ULK4: variants seen among roughly 807,000 people sequenced by gnomAD.
The protein encoded by ULK4 is unc-51 like kinase 4.
Under a neutral mutation model 160.6 loss-of-function variants are expected in ULK4, and 133 were observed. The observed-to-expected ratio is 0.83, with a 90% CI of 0.72 to 0.96. The LOEUF (loss-of-function observed/expected upper bound fraction) is 0.96. Ranked by LOEUF, ULK4 falls within the 40% of genes least tolerant of loss-of-function variation. The pLI is 0.00. For missense variants in ULK4, 1,580 were observed against 1,499.5 expected (o/e 1.05, Z -0.89); for synonymous variants, 534 against 539.8 (o/e 0.99, Z 0.15).
chr3:41,699,409 C>A (rs1267752241), intron 27 of ULK4, among the ~76,000 whole-genome samples: 2 of 152,180 alleles, frequency 1.3e-5, no homozygotes, highest in African/African-American at 4.8e-5. Flanking sequence ...AATATATTTT[C>A]ATCAAATTAT....
intron 32 of ULK4, among the ~76,000 whole-genome samples, chr3:41,543,031 C>A (rs551115137): frequency 6.6e-6 from 1 of 152,200 alleles, no homozygotes; most frequent in East Asian, 1.9e-4. Flanking sequence ...GCATAAAGAA[C>A]AGCCACAGAG....
intron 32 of ULK4, among the ~76,000 whole-genome samples, chr3:41,545,103 C>A (rs76407610): frequency 1.3e-5 from 2 of 152,008 alleles, no homozygotes; most frequent in South Asian, 4.1e-4. Flanking sequence ...TTTTATTGTG[C>A]GGCAGATTTG....
chr3:41,872,812 AATT>A (rs1467116973), intron 17 of ULK4, among the ~76,000 whole-genome samples: 1 of 152,284 alleles, frequency 6.6e-6, no homozygotes, highest in African/African-American at 2.4e-5. Context: ...GCAGTTGAAA[AATT>A]ATATGTAAGA....
chr3:41,282,133 T>C (rs920200125), intron 35 of ULK4, among the ~76,000 whole-genome samples: 2 of 152,064 alleles, frequency 1.3e-5, no homozygotes, highest in Admixed American at 6.5e-5. Flanking sequence ...TACAAACCAC[T>C]GCTCAATGAA....
chr3:41,530,787 C>T (rs1038165939), intron 32 of ULK4, among the ~76,000 whole-genome samples: 22 of 152,066 alleles, frequency 1.4e-4, no homozygotes, highest in African/African-American at 2.7e-4. Context: ...TTTTTGGAGA[C>T]GGAGTCTCGC....
intron 31 of ULK4, among the ~76,000 whole-genome samples, chr3:41,573,331 C>T (rs2088068526): frequency 7.2e-6 from 1 of 138,728 alleles, no homozygotes; most frequent in Admixed American, 6.9e-5. Flanking sequence ...AGGAAACACT[C>T]GTGAAAAATG....
chr3:41,448,676 T>C (rs2083359553), intron 34 of ULK4, among the ~76,000 whole-genome samples: 1 of 152,132 alleles, frequency 6.6e-6, no homozygotes, highest in Admixed American at 6.5e-5. Context: ...ACCTTCATGA[T>C]AGTGCTCATG....
At chr3:41,433,480 G>A (rs1402997466) in intron 34 of ULK4, among the ~76,000 whole-genome samples, 1 of 152,134 alleles carries the variant, frequency 6.6e-6, no homozygotes, top group South Asian at 2.1e-4. Context: ...CTAGAAATTT[G>A]TCCTATAATT....
intron 12 of ULK4, among the ~76,000 whole-genome samples, chr3:41,907,194 T>C (rs948892925): frequency 6.6e-6 from 1 of 152,168 alleles, no homozygotes; most frequent in Admixed American, 6.6e-5. Flanking sequence ...GGGCAGTGAC[T>C]GCTAATGGGT....
intron 35 of ULK4, chr3:41,258,375 T>C (rs2078875567): frequency 6.6e-6 from 1 of 152,196 alleles, no homozygotes. Context: ...GATGCTGAAT[T>C]CATGACTAAG....
At position 41,705,029 on chromosome 3, in the gene ULK4, G is replaced by C. The variant is rs568787277; in HGVS notation, c.2781+28C>G. ...GAATTACCAAGTAAATTTAAAAGGA[G>C]CTTTTTTCAAAAGCTGCCAGAACTG... On this transcript the variant is annotated intron_variant, in intron 27 of 36. Transcript: ENST00000301831. The C allele has an allele frequency of 3.2e-6, 5 of 1,561,606 alleles. No individual in the cohort carries two copies. In the African/African-American group the frequency reaches 5.5e-5, roughly 17 times the overall value.
At chr3:41,798,406 T>C (rs527494603) in intron 20 of ULK4, among the ~76,000 whole-genome samples, 147 of 152,276 alleles carry the variant, frequency 9.7e-4, no homozygotes, top group Admixed American at 3.0e-3. Context: ...TAGTTGTGGG[T>C]TTTTGTAATT....
At chr3:41,450,536 A>G (rs554836060) in intron 34 of ULK4, among the ~76,000 whole-genome samples, 1 of 152,220 alleles carries the variant, frequency 6.6e-6, no homozygotes, top group Non-Finnish European at 1.5e-5. Flanking sequence ...TCATAGGACC[A>G]TATCTGGAAA....
chr3:41,943,100 C>A (rs1181050664), intron 2 of ULK4, among the ~76,000 whole-genome samples: 8 of 151,472 alleles, frequency 5.3e-5, no homozygotes, highest in African/African-American at 1.9e-4. Flanking sequence ...GTAGTCCCAG[C>A]TACTCGGGAG....
chr3:41,575,467 T>C (rs996523625), intron 31 of ULK4, among the ~76,000 whole-genome samples: 12 of 152,248 alleles, frequency 7.9e-5, no homozygotes, highest in African/African-American at 2.6e-4. Context: ...TAGCCAAAAA[T>C]GTATGGTGCT....
intron 35 of ULK4, among the ~76,000 whole-genome samples, chr3:41,359,910 A>G (rs78275890): frequency 0.049 from 7,409 of 152,242 alleles, 424 homozygotes; most frequent in East Asian, 0.21. Context: ...TGCAACAAAA[A>G]CAAAAATTGA....
chr3:41,957,448 C>CAAAAAAAAA (rs11455719), intron 1 of ULK4, among the ~76,000 whole-genome samples: 3 of 97,238 alleles, frequency 3.1e-5, no homozygotes, highest in African/African-American at 1.2e-4. Context: ...GAGCACCACT[C>CAAAAAAAAA]AAAAAAAAAA....
chr3:41,483,093 A>G (rs1482128381), intron 32 of ULK4, among the ~76,000 whole-genome samples: 4 of 152,144 alleles, frequency 2.6e-5, no homozygotes, highest in Admixed American at 2.0e-4. Context: ...TGTGCTAGCA[A>G]ATACCAGATC....
In ULK4 at chr3:41,398,196, A is replaced by C. The variant is rs1414767892; in HGVS notation, c.3561T>G (p.Tyr1187Ter). ...SKCLSILVQL[Y>*]GGENPDSLSP... Reference sequence around the variant, plus strand: ...AGAGGCTGTCCGGGTTTTCCCCTCCATACAGCTGAACCAGTATAGACAGGC... The same window carrying C: ...AGAGGCTGTCCGGGTTTTCCCCTCCCTACAGCTGAACCAGTATAGACAGGC... Residue 1187 changes from tyrosine (Y) to a stop codon, truncating the protein, a stop_gained, in exon 35 of 37, where the codon TAT becomes TAG. Coordinates refer to ENST00000301831, the MANE Select transcript of ULK4 (RefSeq NM_017886.4). LOFTEE classifies it high-confidence loss of function. 2 of 1,613,452 alleles carry C rather than the reference A, an allele frequency of 1.2e-6. No individual in the cohort carries two copies. The highest frequency in any genetic ancestry group is 2.2e-5 in the East Asian group (1 of 44,854).
Sources: gnomAD v4.1 joint callset for allele counts (sites outside exome capture counted in the v4.1 genomes callset) on GRCh38, gnomAD v4.1.1 for gene constraint, MANE v1.5 for transcripts, NCBI Gene and HGNC (gene_info 2026-07-23, HGNC 2026-07-21) for gene names.